Variants in GPR158 observed in about 807,000 individuals in gnomAD.
GPR158 encodes the protein metabotropic glycine receptor.
GPR158 carries 30 observed loss-of-function variants against 78.2 expected under a neutral mutation model. That is an observed-to-expected ratio of 0.38 (90% CI 0.29 to 0.52). GPR158 has a LOEUF of 0.52. Among genes scored for constraint, GPR158 ranks in the 20% least tolerant of loss-of-function variants. GPR158 has a pLI of 0.83. For synonymous variants in GPR158, 581 were observed against 591.1 expected, an observed-to-expected ratio of 0.98 and a Z score of 0.25; for missense variants, 1,463 against 1,523.5, an observed-to-expected ratio of 0.96 and a Z score of 0.66.
chr10:25,479,707 G>A lies in GPR158; in HGVS notation c.1404+12988G>A, dbSNP rs551798659. On this transcript the variant is annotated intron_variant, in intron 5 of 10. Coordinates refer to ENST00000376351, the MANE Select transcript of GPR158 (RefSeq NM_020752.3). ...TGGGATTACAGGTATGAGCCACCAC[G>A]CCCGGCCTGAATTTATTGTTCTTTA... 3.1e-4 allele frequency among the ~76,000 whole-genome samples: 47 copies of A among 152,074 alleles called. No individual in the cohort carries two copies. The South Asian group carries it at 5.8e-3, about 19-fold the overall frequency.
chr10:25,579,519 A>G (rs907035071), intron 7 of GPR158, among the ~76,000 whole-genome samples: 1 of 152,226 alleles, frequency 6.6e-6, no homozygotes, highest in African/African-American at 2.4e-5. Context: ...ATAGCACTCA[A>G]TTTGTGCTTA....
At chr10:25,493,644 C>A (rs1191809492) in intron 5 of GPR158, among the ~76,000 whole-genome samples, 1 of 152,190 alleles carries the variant, frequency 6.6e-6, no homozygotes, top group Non-Finnish European at 1.5e-5. Context: ...CTATCTGATT[C>A]AGGCAGTCAA....
chr10:25,572,823 A>C lies in GPR158; in HGVS notation c.1689A>C (p.Lys563Asn), dbSNP rs772788819. ...AGATTTCACTTATTGGCCAGGGGAA[A>C]ACATCCGATCACCTCATCTTCAATA... Reference protein sequence around the residue: ...EKQISLIGQGKTSDHLIFNMC... With the variant: ...EKQISLIGQGNTSDHLIFNMC... Residue 563 changes from lysine (K) to asparagine (N), a missense_variant, in exon 7 of 11, where the codon AAA (lysine) becomes AAC (asparagine). Lys to Asn is a moderately conservative substitution (Grantham distance 94, BLOSUM62 0). Transcript: ENST00000376351. 11 of 1,613,848 alleles carry C rather than the reference A, an allele frequency of 6.8e-6. No homozygotes were observed. The Admixed American group carries it at 1.8e-4, about 27-fold the overall frequency.
intron 5 of GPR158, among the ~76,000 whole-genome samples, chr10:25,472,204 A>G (rs376931731): frequency 2.0e-5 from 3 of 151,954 alleles, no homozygotes; most frequent in African/African-American, 4.8e-5. Flanking sequence ...TCCCAGCACC[A>G]TTTATTAAAT....
intron 2 of GPR158, among the ~76,000 whole-genome samples, chr10:25,372,010 G>A (rs1358947506): frequency 1.3e-5 from 2 of 151,712 alleles, no homozygotes; most frequent in Non-Finnish European, 2.9e-5. Flanking sequence ...AAATTTACAA[G>A]ACAAAAACAA....
At chr10:25,295,224 G>T (rs889512023) in intron 2 of GPR158, among the ~76,000 whole-genome samples, 3 of 152,092 alleles carry the variant, frequency 2.0e-5, no homozygotes, top group African/African-American at 7.2e-5. Flanking sequence ...CAACATCCAT[G>T]CACTTCTAAT....
intron 5 of GPR158, among the ~76,000 whole-genome samples, chr10:25,510,990 T>C (rs1836077078): frequency 6.6e-6 from 1 of 152,244 alleles, no homozygotes; most frequent in Non-Finnish European, 1.5e-5. Flanking sequence ...AATTGCAAAT[T>C]ATGCTGCTAT....
At chr10:25,338,485 C>T (rs1450599179) in intron 2 of GPR158, among the ~76,000 whole-genome samples, 7 of 124,676 alleles carry the variant, frequency 5.6e-5, no homozygotes, top group South Asian at 2.4e-4. Context: ...GTATAATATA[C>T]GTATAATATA....
intron 2 of GPR158, among the ~76,000 whole-genome samples, chr10:25,246,186 A>T (rs1464019978): frequency 6.6e-6 from 1 of 152,224 alleles, no homozygotes. Flanking sequence ...TTTTTAAAAT[A>T]GCTGTGAGGG....
intron 5 of GPR158, among the ~76,000 whole-genome samples, chr10:25,477,411 C>T (rs1835603343): frequency 6.6e-6 from 1 of 152,138 alleles, no homozygotes; most frequent in Admixed American, 6.5e-5. Context: ...ATTCTTTGAG[C>T]ACTTTCCTAT....
intron 2 of GPR158, among the ~76,000 whole-genome samples, chr10:25,384,142 T>G (rs1834191230): frequency 6.6e-6 from 1 of 152,188 alleles, no homozygotes. Context: ...TTTCCAGATA[T>G]GCAGGCAGTT....
rs377657945 is a variant in GPR158 at position 25,438,307 on chromosome 10, T to C, written c.1335+25834T>C. Among the ~76,000 whole-genome samples the C allele has an allele frequency of 7.9e-5, 12 of 152,262 alleles. No homozygotes were observed. In the South Asian group the frequency reaches 2.3e-3, roughly 29 times the overall value. On this transcript the variant is annotated intron_variant, in intron 4 of 10. Coordinates refer to ENST00000376351, the MANE Select transcript of GPR158 (RefSeq NM_020752.3). ...AGGATTACTGAAAGCCCAGATCGGG[T>C]TGGTTTCTCTGAAGTTCTAATCAAA...
intron 5 of GPR158, among the ~76,000 whole-genome samples, chr10:25,505,200 C>T (rs904964908): frequency 1.1e-4 from 17 of 152,236 alleles, no homozygotes; most frequent in African/African-American, 4.1e-4. Context: ...ATTTTCTGTT[C>T]TCTGTTGATT....
chr10:25,356,472 T>C (rs994096001), intron 2 of GPR158, among the ~76,000 whole-genome samples: 2 of 152,112 alleles, frequency 1.3e-5, no homozygotes, highest in African/African-American at 2.4e-5. Context: ...AATCTCATCT[T>C]GTAGCTCCCA....
rs751869097 is a variant in GPR158 at position 25,408,704 on chromosome 10, A to G, written c.1112-3546A>G. On this transcript the variant is annotated intron_variant, in intron 3 of 10. Transcript: ENST00000376351. ...TCTTAGTTTTTGACTTGTGTGCCCT[A>G]TGATTCTTCAAGTTTTCCTCTGCAA... Among the ~76,000 whole-genome samples the G allele has an allele frequency of 5.9e-5, 9 of 152,254 alleles. No homozygotes were observed. In the South Asian group the frequency reaches 6.2e-4, roughly 11 times the overall value.
intron 5 of GPR158, among the ~76,000 whole-genome samples, chr10:25,474,713 G>A (rs1004364796): frequency 6.6e-6 from 1 of 152,090 alleles, no homozygotes; most frequent in African/African-American, 2.4e-5. Context: ...TTAGCCCAGT[G>A]CCTGTCACCG....
Position 25,599,216 on chromosome 10 carries a change from G to A in GPR158, c.3590G>A (p.Ser1197Asn). 1 of 1,612,460 alleles carries A rather than the reference G, an allele frequency of 6.2e-7. No homozygotes were observed. Among genetic ancestry groups the A allele is most frequent in the Non-Finnish European group, 8.5e-7 (1 of 1,179,846 alleles). ...SVALPASSALSANKIAGPRKE... is the reference protein window; with the variant it reads ...SVALPASSALNANKIAGPRKE... ...GCTTTACCTGCCTCTTCTGCTCTAA[G>A]TGCAAATAAGATAGCAGGGCCTAGG... Residue 1197 changes from serine (S) to asparagine (N), a missense_variant, in exon 11 of 11, where the codon AGT (serine) becomes AAT (asparagine). By Grantham distance (46) the Ser-to-Asn change is conservative. Coordinates refer to ENST00000376351, the MANE Select transcript of GPR158 (RefSeq NM_020752.3).
chr10:25,250,898 A>G (rs1389717834), intron 2 of GPR158, among the ~76,000 whole-genome samples: 1 of 151,476 alleles, frequency 6.6e-6, no homozygotes, highest in Non-Finnish European at 1.5e-5. Flanking sequence ...GATCTGTCTA[A>G]TGTTGACAGT....
At chr10:25,516,873 T>G (rs1256013672) in intron 5 of GPR158, among the ~76,000 whole-genome samples, 357 of 108,112 alleles carry the variant, frequency 3.3e-3, no homozygotes, top group Admixed American at 5.0e-3. Context: ...TGGTTCCATA[T>G]GAACTTTAAA....
Sources: allele counts gnomAD v4.1 joint callset (sites outside exome capture counted in the v4.1 genomes callset), GRCh38; gene constraint gnomAD v4.1.1; transcripts MANE v1.5; gene names NCBI Gene and HGNC (gene_info 2026-07-23, HGNC 2026-07-21).